MCM3AP: variants seen among roughly 807,000 people sequenced by gnomAD.
The protein encoded by MCM3AP is minichromosome maintenance complex component 3 associated protein.
In MCM3AP, 126 loss-of-function variants were observed where a neutral mutation model predicts 184.1. The ratio of observed to expected loss-of-function variants is 0.68; its 90% CI spans 0.59 to 0.79. MCM3AP has a LOEUF of 0.79. MCM3AP is among the 30% of genes least tolerant of loss of function. MCM3AP has a pLI of 0.00. For missense variants in MCM3AP, 2,496 were observed against 2,479.2 expected (o/e 1.01, Z -0.14); for synonymous variants, 1,002 against 979.3 (o/e 1.02, Z -0.43).
chr21:46,277,523 A>T lies in MCM3AP; in HGVS notation c.1858+4T>A. 1 of 1,561,770 alleles carries T rather than the reference A, an allele frequency of 6.4e-7. No individual in the cohort carries two copies. Among genetic ancestry groups the T allele is most frequent in the Non-Finnish European group, 8.7e-7 (1 of 1,153,558 alleles). Reference sequence around the variant, plus strand: ...CCTAGAACCTCTGCCACCAAGTGCCATACCTTGCCGCATGATCCTGTCTCT... The same window carrying T: ...CCTAGAACCTCTGCCACCAAGTGCCTTACCTTGCCGCATGATCCTGTCTCT... On this transcript the variant is annotated splice_donor_region_variant and intron_variant, in intron 5 of 27. Transcript: ENST00000291688.
In MCM3AP at chr21:46,267,002, G is replaced by A. The variant is rs1243138988; in HGVS notation, c.2769C>T (p.His923=). The stretch of plus-strand genomic sequence containing the variant: ...CTTACCCGTCGGAAACGGTGAGGCC[G>A]TGGCAGGTGAGGAAGTCGGTGGCCT... ...CEEATDFLTC[H]GLTVSDGCVE... is the part of the protein sequence containing the mutation. The change falls in exon 10 of 28, where the codon CAC becomes CAT. Residue 923 remains histidine, a synonymous_variant. Transcript: ENST00000291688. 21 of 1,614,072 alleles carry A rather than the reference G, an allele frequency of 1.3e-5. No individual in the cohort carries two copies. Among genetic ancestry groups the A allele is most frequent in the Admixed American group, 3.3e-5 (2 of 60,006 alleles).
intron 2 of MCM3AP, among the ~76,000 whole-genome samples, chr21:46,282,416 G>A (rs561305833): frequency 7.8e-4 from 118 of 152,212 alleles, no homozygotes; most frequent in African/African-American, 2.6e-3. Context: ...CCTATAGAAC[G>A]TAATTTTGTC....
chr21:46,270,714 G>C (rs967043152), intron 8 of MCM3AP, 151 bp from the exon 9 acceptor site: 3 of 645,006 alleles, frequency 4.7e-6, no homozygotes, highest in Non-Finnish European at 7.9e-6. Flanking sequence ...CAAGGTGGGA[G>C]GATCGTTTGA....
rs1430926942 is a variant in MCM3AP at position 46,265,541 on chromosome 21, G to A, written c.3032-18C>T. ...CCCTCCGCCTGGAAGGAAACATACA[G>A]GACAAAACATAGCTGCAGACACAGG... On this transcript the variant is annotated intron_variant, in intron 11 of 27. Coordinates refer to ENST00000291688, the MANE Select transcript of MCM3AP (RefSeq NM_003906.5). The A allele has an allele frequency of 6.4e-7, 1 of 1,556,246 alleles. No homozygotes were observed. Among genetic ancestry groups the A allele is most frequent in the Non-Finnish European group, 8.7e-7 (1 of 1,149,454 alleles).
chr21:46,281,824 A>AC (rs1166880395), intron 2 of MCM3AP, among the ~76,000 whole-genome samples: 3 of 151,128 alleles, frequency 2.0e-5, no homozygotes, highest in South Asian at 2.1e-4. Context: ...ACGTGGTGAA[A>AC]CCCCCTCTCC....
Position 46,236,722 on chromosome 21 carries a change from T to G in MCM3AP, c.5784+107A>C, listed in dbSNP as rs2080532519. 4.0e-6 allele frequency: 3 copies of G among 742,408 alleles called. No individual in the cohort carries two copies. The East Asian group carries it at 9.0e-5, about 22-fold the overall frequency. The allele number at this position is 742,408 out of a possible 1,614,324, so 46.0% of individuals were successfully genotyped here. ...AGGTCTAATTTGAGCTAATAATTTG[T>G]CGGTCATCAAAACATCATAGGATAA... On this transcript the variant is annotated intron_variant, in intron 27 of 27. Coordinates refer to ENST00000291688, the MANE Select transcript of MCM3AP (RefSeq NM_003906.5).
At chr21:46,258,287 A>G (rs2080987383) in intron 16 of MCM3AP, among the ~76,000 whole-genome samples, 1 of 152,226 alleles carries the variant, frequency 6.6e-6, no homozygotes, top group South Asian at 2.1e-4. Flanking sequence ...TTTAAATTTT[A>G]TTATGAAATG....
Position 46,277,598 on chromosome 21 carries a change from A to G in MCM3AP, c.1787T>C (p.Ile596Thr). The change falls in exon 5 of 28, where the codon ATA becomes ACA. Residue 596 changes from isoleucine (I) to threonine (T), a missense_variant. Ile to Thr is a moderately conservative substitution (Grantham distance 89, BLOSUM62 -1). Coordinates refer to ENST00000291688, the MANE Select transcript of MCM3AP (RefSeq NM_003906.5). ...GPCVLSLSTLIGTVAETSKEK... is the reference protein window; with the variant it reads ...GPCVLSLSTLTGTVAETSKEK... ...CTTGGATGTCTCAGCCACAGTGCCT[A>G]TCAGGGTACTGAGGGAGAGCACACA... The G allele has an allele frequency of 1.2e-6, 2 of 1,611,672 alleles. No individual in the cohort carries two copies. Among genetic ancestry groups the G allele is most frequent in the Non-Finnish European group, 1.7e-6 (2 of 1,178,966 alleles).
chr21:46,275,044 A>G (rs1172255922), intron 6 of MCM3AP, 142 bp downstream of exon 6: 2 of 832,958 alleles, frequency 2.4e-6, no homozygotes, highest in Non-Finnish European at 3.4e-6. Flanking sequence ...AACATCTCAC[A>G]ATGCAAAACA....
At chr21:46,271,784 C>G (rs920427633) in intron 8 of MCM3AP, among the ~76,000 whole-genome samples, 2 of 151,932 alleles carry the variant, frequency 1.3e-5, no homozygotes, top group African/African-American at 4.8e-5. Flanking sequence ...TCGCTTGAAC[C>G]CAGGAGGTGG....
chr21:46,239,613 CAGACATCCAAT>C (rs2080614291), intron 26 of MCM3AP, among the ~76,000 whole-genome samples: 1 of 152,158 alleles, frequency 6.6e-6, no homozygotes, highest in Non-Finnish European at 1.5e-5. Flanking sequence ...CAGTGGCTAC[CAGACATCCAAT>C]AGGTGTCTAA....
intron 19 of MCM3AP, chr21:46,254,086 C>A (rs1272718516): frequency 1.1e-5 from 4 of 363,202 alleles, no homozygotes; most frequent in South Asian, 6.5e-5. Context: ...GAGGCCTCCC[C>A]AGCCATGCTT....
At chr21:46,265,556 G>A in intron 11 of MCM3AP, 33 bp from the exon 12 acceptor site, 2 of 1,507,996 alleles carry the variant, frequency 1.3e-6, no homozygotes, top group Middle Eastern at 1.8e-4. Flanking sequence ...AAACATAGCT[G>A]CAGACACAGG....
At position 46,284,363 on chromosome 21, in the gene MCM3AP, T is replaced by C. The variant is rs1274232703; in HGVS notation, c.924A>G (p.Pro308=). The change falls in exon 1 of 28, where the codon CCA becomes CCG. Residue 308 remains proline, a synonymous_variant. Transcript: ENST00000291688. ...DRSPRRHGHE[P]AEDSDPLSRG... ...GGGACAGAGGATCCGAATCTTCTGC[T>C]GGCTCGTGGCCATGTCTCCTTGGGG... The C allele has an allele frequency of 6.2e-7, 1 of 1,614,250 alleles. No homozygotes were observed. Among genetic ancestry groups the C allele is most frequent in the Admixed American group, 1.7e-5 (1 of 60,030 alleles).
intron 20 of MCM3AP, among the ~76,000 whole-genome samples, chr21:46,247,851 G>C (rs934786322): frequency 6.6e-6 from 1 of 151,906 alleles, no homozygotes; most frequent in East Asian, 1.9e-4. Flanking sequence ...TGTAATCCCA[G>C]CACTTGGGGA....
At position 46,252,517 on chromosome 21, in the gene MCM3AP, T is replaced by C. The variant is rs373548213; in HGVS notation, c.4137-835A>G. On this transcript the variant is annotated intron_variant, in intron 19 of 27. Transcript: ENST00000291688. ...GCCTGGGCAACATCACAAAACCCTG[T>C]CTCTACAAAATATATACAAAACTAA... 23 of 151,500 alleles carry C rather than the reference T, an allele frequency of 1.5e-4. No individual in the cohort carries two copies. The East Asian group carries it at 3.0e-3, about 20-fold the overall frequency. The allele number at this position is 151,500 out of a possible 1,614,324, so 9.4% of individuals were successfully genotyped here. A position where few individuals can be genotyped will look rare whatever the true frequency, so the allele number is the denominator to read the frequency against.
chr21:46,270,713 A>T, intron 8 of MCM3AP, 150 bp from the exon 9 acceptor site: 1 of 650,722 alleles, frequency 1.5e-6, no homozygotes, highest in Non-Finnish European at 2.6e-6. Flanking sequence ...CCAAGGTGGG[A>T]GGATCGTTTG....
intron 26 of MCM3AP, among the ~76,000 whole-genome samples, chr21:46,240,246 G>A (rs1569049377): frequency 6.6e-6 from 1 of 152,196 alleles, no homozygotes; most frequent in Non-Finnish European, 1.5e-5. Context: ...GTCAGGAAGG[G>A]GATATAGGGA....
intron 4 of MCM3AP, among the ~76,000 whole-genome samples, chr21:46,278,587 C>A (rs529220711): frequency 6.6e-6 from 1 of 152,182 alleles, no homozygotes; most frequent in African/African-American, 2.4e-5. Context: ...CATCACATGC[C>A]GGTTAACACA....
Sources: allele counts gnomAD v4.1 joint callset (sites outside exome capture counted in the v4.1 genomes callset), GRCh38; gene constraint gnomAD v4.1.1; transcripts MANE v1.5; gene names NCBI Gene and HGNC (gene_info 2026-07-23, HGNC 2026-07-21).